Variants in SHOC2 observed in about 807,000 individuals in gnomAD.
SHOC2 encodes the protein leucine-rich repeat protein SHOC-2.
Under a neutral mutation model 50.2 loss-of-function variants are expected in SHOC2, and 4 were observed. That is an observed-to-expected ratio of 0.08 (90% CI 0.04 to 0.18). The LOEUF (loss-of-function observed/expected upper bound fraction) is 0.18. Among genes scored for constraint, SHOC2 ranks in the 10% least tolerant of loss-of-function variants. The pLI, the probability that SHOC2 is intolerant of heterozygous loss-of-function variation, is 1.00. For missense variants in SHOC2, 388 were observed against 669.6 expected (o/e 0.58, Z 4.64); for synonymous variants, 218 against 244.5 (o/e 0.89, Z 1.01).
intron 5 of SHOC2, among the ~76,000 whole-genome samples, chr10:111,006,270 GA>G (rs1239478904): frequency 6.6e-6 from 1 of 152,212 alleles, no homozygotes; most frequent in African/African-American, 2.4e-5. Flanking sequence ...TACAATAAAA[GA>G]AAAAGTGGGT....
chr10:110,986,775 C>A (rs1415509496), intron 3 of SHOC2, among the ~76,000 whole-genome samples: 2 of 152,126 alleles, frequency 1.3e-5, no homozygotes, highest in Non-Finnish European at 2.9e-5. Flanking sequence ...CGTGCTTGGT[C>A]CAGTCATGAA....
intron 2 of SHOC2, among the ~76,000 whole-genome samples, chr10:110,983,400 G>A (rs963074375): frequency 6.6e-6 from 1 of 151,874 alleles, no homozygotes; most frequent in Non-Finnish European, 1.5e-5. Context: ...TTGAGATGGA[G>A]ACTTAGATTA....
At chr10:110,996,926 C>T (rs1338062592) in intron 3 of SHOC2, among the ~76,000 whole-genome samples, 4 of 152,102 alleles carry the variant, frequency 2.6e-5, no homozygotes, top group African/African-American at 9.7e-5. Context: ...TGCTCCTGTG[C>T]ACTTGTCGAG....
At chr10:110,935,145 C>G (rs550510998) in intron 1 of SHOC2, among the ~76,000 whole-genome samples, 1 of 152,296 alleles carries the variant, frequency 6.6e-6, no homozygotes, top group East Asian at 1.9e-4. Flanking sequence ...CTAACACTTA[C>G]GTAGTGCTTT....
intron 1 of SHOC2, among the ~76,000 whole-genome samples, chr10:110,954,148 C>T (rs1008133022): frequency 4.6e-5 from 7 of 151,416 alleles, no homozygotes; most frequent in Non-Finnish European, 8.8e-5. Context: ...TTAGTGTTCA[C>T]AGTATATACT....
chr10:110,955,560 G>T (rs1847444325), intron 1 of SHOC2, among the ~76,000 whole-genome samples: 1 of 152,134 alleles, frequency 6.6e-6, no homozygotes, highest in Non-Finnish European at 1.5e-5. Flanking sequence ...AGAGTTTTGT[G>T]TAGACTCATT....
intron 1 of SHOC2, among the ~76,000 whole-genome samples, chr10:110,959,725 G>A (rs1007544929): frequency 6.6e-6 from 1 of 152,178 alleles, no homozygotes; most frequent in Non-Finnish European, 1.5e-5. Flanking sequence ...AAAATGTCTG[G>A]CAATGATTGA....
At chr10:110,989,579 CCTT>C (rs1473422691) in intron 3 of SHOC2, among the ~76,000 whole-genome samples, 2 of 152,156 alleles carry the variant, frequency 1.3e-5, no homozygotes, top group African/African-American at 4.8e-5. Flanking sequence ...GGTAGTTCTA[CCTT>C]CTTCTGGAAT....
intron 2 of SHOC2, among the ~76,000 whole-genome samples, chr10:110,967,036 A>C (rs1004046975): frequency 1.1e-4 from 16 of 152,188 alleles, no homozygotes; most frequent in African/African-American, 3.9e-4. Flanking sequence ...AGGGAACAAG[A>C]AAATAAAGGT....
intron 1 of SHOC2, among the ~76,000 whole-genome samples, chr10:110,961,114 T>A (rs903053954): frequency 6.6e-6 from 1 of 152,146 alleles, no homozygotes; most frequent in Non-Finnish European, 1.5e-5. Flanking sequence ...GATCCCTGTA[T>A]AAAAACCTCC....
intron 3 of SHOC2, among the ~76,000 whole-genome samples, chr10:110,994,365 A>G (rs1014852905): frequency 3.9e-5 from 6 of 152,222 alleles, no homozygotes; most frequent in Non-Finnish European, 7.3e-5. Context: ...TAGTGGAAAT[A>G]AAAATGATAT....
At chr10:110,947,665 GC>G (rs1847271782) in intron 1 of SHOC2, among the ~76,000 whole-genome samples, 1 of 151,440 alleles carries the variant, frequency 6.6e-6, no homozygotes. Context: ...ATTTTTATCA[GC>G]TTAACAACAG....
intron 1 of SHOC2, among the ~76,000 whole-genome samples, 168 bp from the exon 2 acceptor site, chr10:110,963,957 C>G (rs1847621731): frequency 6.6e-6 from 1 of 152,026 alleles, no homozygotes. Flanking sequence ...GTAGAGCCAG[C>G]CTTATTAAGC....
intron 2 of SHOC2, among the ~76,000 whole-genome samples, chr10:110,983,474 A>C (rs760905877): frequency 6.6e-6 from 1 of 152,152 alleles, no homozygotes; most frequent in Non-Finnish European, 1.5e-5. Flanking sequence ...CCCTCTTAGC[A>C]CTAGCTTAGC....
intron 5 of SHOC2, among the ~76,000 whole-genome samples, chr10:111,006,766 A>G (rs1255246807): frequency 1.3e-5 from 2 of 152,192 alleles, no homozygotes; most frequent in Non-Finnish European, 2.9e-5. Context: ...CATTGTTGGT[A>G]TTGAGCTGGA....
At chr10:110,939,104 T>C (rs12268160) in intron 1 of SHOC2, among the ~76,000 whole-genome samples, 10,990 of 152,256 alleles carry the variant, frequency 0.072, 789 homozygotes, top group East Asian at 0.3. Flanking sequence ...TCCCGACTTA[T>C]TTTTCAGTAA....
chr10:110,968,994 C>T (rs1010100722), intron 2 of SHOC2, among the ~76,000 whole-genome samples: 2 of 151,922 alleles, frequency 1.3e-5, no homozygotes, highest in Non-Finnish European at 2.9e-5. Context: ...TGATTTGATA[C>T]CAGTGATACA....
At chr10:110,948,714 G>A (rs1014424529) in intron 1 of SHOC2, among the ~76,000 whole-genome samples, 4 of 152,120 alleles carry the variant, frequency 2.6e-5, no homozygotes, top group African/African-American at 9.7e-5. Context: ...CAAAACTTAC[G>A]TGAAGCAGCA....
chr10:111,000,171 G>A (rs767078883), intron 3 of SHOC2, among the ~76,000 whole-genome samples: 5 of 151,942 alleles, frequency 3.3e-5, no homozygotes, highest in African/African-American at 1.2e-4. Flanking sequence ...TTATCTAATC[G>A]TTCATTTAAA....
Sources: allele counts gnomAD v4.1 joint callset (sites outside exome capture counted in the v4.1 genomes callset), GRCh38; gene constraint gnomAD v4.1.1; transcripts MANE v1.5; gene names NCBI Gene and HGNC (gene_info 2026-07-23, HGNC 2026-07-21).